Variants in MPC2 observed in about 807,000 individuals in gnomAD.
MPC2 encodes the protein mitochondrial pyruvate carrier 2, also known as brain protein 44.
A neutral mutation model predicts 19.2 loss-of-function variants in MPC2; 19 were observed. The observed-to-expected ratio is 0.99, with a 90% CI of 0.69 to 1.45. The LOEUF (loss-of-function observed/expected upper bound fraction) is 1.45. Ranked by LOEUF, MPC2 falls within the 40% of genes most tolerant of loss-of-function variation. The pLI is 0.00. For missense variants in MPC2, 122 were observed against 153.0 expected, an observed-to-expected ratio of 0.80 and a Z score of 1.07; for synonymous variants, 61 against 54.3, an observed-to-expected ratio of 1.12 and a Z score of -0.54.
At chr1:167,936,665 A>C (rs746939898) in intron 1 of MPC2, 4 of 435,856 alleles carry the variant, frequency 9.2e-6, no homozygotes. Context: ...CTGAGGGAGG[A>C]GACTGTTGCT....
rs183278391 is a variant in MPC2 at position 167,921,554 on chromosome 1, C to T, written c.151-923G>A. ...TTACGCCATTTTTCTTTAACATCAG[C>T]ATATACATGGCCATTTCTCTTCTGT... On this transcript the variant is annotated intron_variant, in intron 3 of 5. Transcript: ENST00000271373. Among the ~76,000 whole-genome samples, 43 of 152,216 alleles carry T rather than the reference C, an allele frequency of 2.8e-4. No homozygotes were observed. In the East Asian group the frequency reaches 8.1e-3, roughly 29 times the overall value.
intron 3 of MPC2, among the ~76,000 whole-genome samples, chr1:167,922,487 T>C (rs546073973): frequency 2.8e-4 from 42 of 152,180 alleles, no homozygotes; most frequent in South Asian, 2.7e-3. Flanking sequence ...ACTATAAAGA[T>C]ATATTATTAC....
At chr1:167,935,385 G>T (rs1241712930) in intron 2 of MPC2, among the ~76,000 whole-genome samples, 1 of 152,176 alleles carries the variant, frequency 6.6e-6, no homozygotes, top group Non-Finnish European at 1.5e-5. Flanking sequence ...GCCACAATTC[G>T]AAAAGAGAAA....
At position 167,924,624 on chromosome 1, in the gene MPC2, C is replaced by G. The variant is rs1571510277; in HGVS notation, c.110-87G>C. ...ACAGCTGTCACCAAATTTTAAAAAC[C>G]AAAGGATTTATCAACCTATTTTTAA... On this transcript the variant is annotated intron_variant, in intron 2 of 5. Coordinates refer to ENST00000271373, the MANE Select transcript of MPC2 (RefSeq NM_001143674.4). The G allele has an allele frequency of 6.2e-6, 6 of 964,968 alleles. No homozygotes were observed. The East Asian group carries it at 1.6e-4, about 26-fold the overall frequency. The allele number at this position is 964,968 out of a possible 1,614,324, so 59.8% of individuals were successfully genotyped here.
At chr1:167,935,107 G>A (rs555756373) in intron 2 of MPC2, among the ~76,000 whole-genome samples, 15 of 152,300 alleles carry the variant, frequency 9.8e-5, no homozygotes, top group African/African-American at 3.4e-4. Flanking sequence ...AGTGGTAGAA[G>A]AGAATGATAT....
chr1:167,923,041 T>C (rs1244753052), intron 3 of MPC2, among the ~76,000 whole-genome samples: 1 of 152,070 alleles, frequency 6.6e-6, no homozygotes, highest in East Asian at 1.9e-4. Flanking sequence ...AAAACAAAAA[T>C]GCTCCCCCAT....
At chr1:167,936,722 G>T in intron 1 of MPC2, 1 of 593,016 alleles carries the variant, frequency 1.7e-6, no homozygotes, top group East Asian at 2.9e-5. Context: ...TATGAGGCGA[G>T]CTCCGGCCCG....
At chr1:167,930,453 C>T (rs1400715323) in intron 2 of MPC2, among the ~76,000 whole-genome samples, 2 of 152,070 alleles carry the variant, frequency 1.3e-5, no homozygotes, top group Admixed American at 6.6e-5. Flanking sequence ...AATAATCCAA[C>T]AAGGATAAAA....
In MPC2 at chr1:167,935,795, A is replaced by T; in HGVS notation, c.47T>A (p.Leu16His). ...ARGLRATYHRLLDKVELMLPE... is the reference protein window; with the variant it reads ...ARGLRATYHRHLDKVELMLPE... The stretch of plus-strand genomic sequence containing the variant: ...CAGCATCAGCTCCACTTTATCGAGG[A>T]GCCGGTGGTAGGTGGCCCGCAGGCC... Residue 16 changes from leucine to histidine, a missense_variant, in exon 2 of 6, where the codon CTC (leucine) becomes CAC (histidine). By Grantham distance (99) the Leu-to-His change is moderately conservative. Transcript: ENST00000271373. 6.4e-7 allele frequency: 1 copy of T among 1,559,498 alleles called. No homozygotes were observed. The highest frequency in any genetic ancestry group is 8.7e-7 in the Non-Finnish European group (1 of 1,152,088).
chr1:167,936,144 CT>C (rs1224990955), intron 1 of MPC2: 2 of 355,848 alleles, frequency 5.6e-6, no homozygotes, highest in East Asian at 1.3e-4. Context: ...CAAGTCTGCG[CT>C]GCGCCCTGCT....
chr1:167,933,940 A>G (rs958803086), intron 2 of MPC2, among the ~76,000 whole-genome samples: 4 of 152,206 alleles, frequency 2.6e-5, no homozygotes, highest in Non-Finnish European at 4.4e-5. Flanking sequence ...TTTTCACAAC[A>G]ATCCTGAAAT....
In MPC2 at chr1:167,918,326, T is replaced by C; in HGVS notation, c.381A>G (p.Lys127=). The change falls in exon 6 of 6, where the codon AAA becomes AAG. Residue 127 remains lysine (K), a synonymous_variant. Coordinates refer to ENST00000271373, the MANE Select transcript of MPC2 (RefSeq NM_001143674.4). The stretch of plus-strand genomic sequence containing the variant: ...GTTCAGGTGATCAGGAACTCTTTTA[T>C]TTGTGTGCTTTAGCTTTTAGTTCTT... ...YNQELKAKAH[K] 6.4e-7 allele frequency: 1 copy of C among 1,566,546 alleles called. No homozygotes were observed. Among genetic ancestry groups the C allele is most frequent in the Non-Finnish European group, 8.8e-7 (1 of 1,140,132 alleles).
intron 2 of MPC2, among the ~76,000 whole-genome samples, chr1:167,932,110 C>T (rs1042214231): frequency 3.9e-5 from 6 of 152,070 alleles, no homozygotes; most frequent in African/African-American, 1.4e-4. Flanking sequence ...AGCTATAATG[C>T]GTTAAAATGA....
intron 2 of MPC2, among the ~76,000 whole-genome samples, chr1:167,930,604 A>G (rs1308849265): frequency 6.6e-6 from 1 of 152,206 alleles, no homozygotes; most frequent in Non-Finnish European, 1.5e-5. Flanking sequence ...GACTTTAAGG[A>G]AAGTCCAAGC....
At chr1:167,928,447 G>A (rs1053668181) in intron 2 of MPC2, among the ~76,000 whole-genome samples, 1 of 151,584 alleles carries the variant, frequency 6.6e-6, no homozygotes, top group African/African-American at 2.4e-5. Flanking sequence ...TAAATAATAT[G>A]TCAAATAAAG....
chr1:167,932,573 C>T (rs56330532), intron 2 of MPC2, among the ~76,000 whole-genome samples: 2,004 of 152,102 alleles, frequency 0.013, 24 homozygotes, highest in Middle Eastern at 0.027. Flanking sequence ...CTTTGGGAGG[C>T]CAAGGCAGGT....
chr1:167,920,038 C>G lies in MPC2; in HGVS notation c.288G>C (p.Leu96=). ...CCCCCACAAAGAAATTAACAGCAAA[C>G]AGACTCCAATTTTTTGGAATAATTA... is the stretch of plus-strand genomic sequence containing the variant. ...SLVIIPKNWS[L]FAVNFFVGAA... Residue 96 remains leucine, a synonymous_variant, in exon 5 of 6, where the codon CTG becomes CTC. Transcript: ENST00000271373. 6.2e-7 allele frequency: 1 copy of G among 1,613,424 alleles called. No homozygotes were observed. Among genetic ancestry groups the G allele is most frequent in the Middle Eastern group, 1.7e-4 (1 of 6,058 alleles).
intron 2 of MPC2, among the ~76,000 whole-genome samples, chr1:167,928,319 G>GAAAAAAAAAAA (rs34157542): frequency 1.1e-5 from 1 of 91,500 alleles, no homozygotes. Context: ...CTGCACTCCA[G>GAAAAAAAAAAA]AAAAAAAAAA....
chr1:167,937,041 G>A lies in MPC2; in HGVS notation c.-160C>T, dbSNP rs372884574. On this transcript the variant is annotated 5_prime_UTR_variant, in exon 1 of 6. Coordinates refer to ENST00000271373, the MANE Select transcript of MPC2 (RefSeq NM_001143674.4). ...GGGGCCCCGGGGCGGAGGCGCTGAG[G>A]TCGCCGCCTAGAGTGGGGGAGGGGG... 13 of 1,572,022 alleles carry A rather than the reference G, an allele frequency of 8.3e-6. No individual in the cohort carries two copies. In the African/African-American group the frequency reaches 1.2e-4, roughly 15 times the overall value.
Sources: gnomAD v4.1 joint callset for allele counts (sites outside exome capture counted in the v4.1 genomes callset) on GRCh38, gnomAD v4.1.1 for gene constraint, MANE v1.5 for transcripts, NCBI Gene and HGNC (gene_info 2026-07-23, HGNC 2026-07-21) for gene names.